The following KCNK9 variants were observed in gnomAD, a reference collection of about 807,000 sequenced individuals.
KCNK9 encodes potassium channel subfamily K member 9.
In KCNK9, 1 loss-of-function variant was observed where a neutral mutation model predicts 10.8. That is an observed-to-expected ratio of 0.09 (90% CI 0.03 to 0.44). The LOEUF (loss-of-function observed/expected upper bound fraction) is 0.44, where lower values mean the gene tolerates loss of function less well. KCNK9 is among the 20% of genes least tolerant of loss of function. KCNK9 has a pLI of 0.97. For missense variants in KCNK9, 303 were observed against 515.0 expected (o/e 0.59, Z 3.98); for synonymous variants, 231 against 222.7 (o/e 1.04, Z -0.33).
intron 2 of KCNK9, among the ~76,000 whole-genome samples, chr8:139,601,770 G>A (rs1168749233): frequency 6.6e-6 from 1 of 152,164 alleles, no homozygotes; most frequent in Non-Finnish European, 1.5e-5. Context: ...AGATTTTATT[G>A]CATGTTAGGT....
intron 1 of KCNK9, among the ~76,000 whole-genome samples, chr8:139,676,759 T>C (rs1469891736): frequency 1.3e-5 from 2 of 152,176 alleles, no homozygotes; most frequent in African/African-American, 4.8e-5. Flanking sequence ...AAGACCAGCC[T>C]GGCCAACATA....
At chr8:139,672,556 C>T (rs74402190) in intron 1 of KCNK9, among the ~76,000 whole-genome samples, 5,925 of 152,326 alleles carry the variant, frequency 0.039, 232 homozygotes, top group African/African-American at 0.1. Context: ...TCAAAATAGA[C>T]TCCAATACAC....
At chr8:139,692,945 C>CCAGCTCACCCTGCCCACCTGAG (rs71318313) in intron 1 of KCNK9, among the ~76,000 whole-genome samples, 45 of 151,926 alleles carry the variant, frequency 3.0e-4, no homozygotes, top group Non-Finnish European at 5.2e-4. Context: ...TCAATACCAC[C>CCAGCTCACCCTGCCCACCTGAG]CAGCTCACCC....
At chr8:139,636,024 G>A (rs975968567) in intron 1 of KCNK9, among the ~76,000 whole-genome samples, 9 of 152,292 alleles carry the variant, frequency 5.9e-5, no homozygotes, top group African/African-American at 2.2e-4. Context: ...CCCCGTTTAT[G>A]TTTTAGCCAA....
At chr8:139,624,824 C>T (rs1490401067) in intron 1 of KCNK9, among the ~76,000 whole-genome samples, 1 of 152,222 alleles carries the variant, frequency 6.6e-6, no homozygotes, top group African/African-American at 2.4e-5. Context: ...ACAGGGCAGG[C>T]CGGTGACGGG....
At position 139,649,754 on chromosome 8, in the gene KCNK9, A is replaced by T. The variant is rs1010515894; in HGVS notation, c.284-30655T>A. On this transcript the variant is annotated intron_variant, in intron 1 of 1. Transcript: ENST00000520439. ...AGCTGTGTAACCCTGGGGGGAAAAA[A>T]ATTGCTTAACCTCTCTGCCTCAATC... 3.9e-5 allele frequency among the ~76,000 whole-genome samples: 6 copies of T among 152,298 alleles called. 1 individual carries two copies. Among genetic ancestry groups the T allele is most frequent in the Admixed American group, 2.6e-4 (4 of 15,300 alleles).
At chr8:139,616,779 A>AT (rs1222929503), downstream of KCNK9, 1 of 152,180 alleles carries the variant, frequency 6.6e-6, no homozygotes, top group Non-Finnish European at 1.5e-5. Flanking sequence ...TGAATGGGTG[A>AT]TTTTTAGAAA....
intron 1 of KCNK9, among the ~76,000 whole-genome samples, chr8:139,685,928 A>C (rs1816778627): frequency 6.6e-6 from 1 of 152,118 alleles, no homozygotes; most frequent in African/African-American, 2.4e-5. Context: ...ATTTCTCCAC[A>C]TCCTCTCCAG....
At chr8:139,614,506 AG>A (rs1814521779), downstream of KCNK9, among the ~76,000 whole-genome samples, 1 of 152,142 alleles carries the variant, frequency 6.6e-6, no homozygotes, top group Admixed American at 6.5e-5. Context: ...GATGCTTCCA[AG>A]GGGGTTCACA....
chr8:139,702,637 G>GA lies in KCNK9; in HGVS notation c.283+72_283+73insT. 1 of 1,484,444 alleles carries GA rather than the reference G, an allele frequency of 6.7e-7. No individual in the cohort carries two copies. Among genetic ancestry groups the GA allele is most frequent in the South Asian group, 1.2e-5 (1 of 80,648 alleles). 92.0% of individuals were successfully genotyped at this position (1,484,444 alleles called of 1,614,324 possible). A position where few individuals can be genotyped will look rare whatever the true frequency, so the allele number is the denominator to read the frequency against. On this transcript the variant is annotated intron_variant, in intron 1 of 1. Coordinates refer to ENST00000520439, the MANE Select transcript of KCNK9 (RefSeq NM_001282534.2). This position sits in a 1 kb window ranked among gnomAD's most constrained non-coding sequence, Gnocchi z 7.5. The stretch of plus-strand genomic sequence containing the variant: ...ACCCTCGACGCCCTGCACCCAGCCC[G>GA]GCGCGGCGCGCTCAGCCGCCTCCCC...
At chr8:139,634,648 A>G (rs1021781285) in intron 1 of KCNK9, among the ~76,000 whole-genome samples, 13 of 152,136 alleles carry the variant, frequency 8.5e-5, no homozygotes, top group Middle Eastern at 3.4e-3. Flanking sequence ...TCAGACCCCA[A>G]TTTGTCTCCA....
rs1333300331 is a variant in KCNK9 at position 139,693,227 on chromosome 8, C to T, written c.283+9483G>A. 6.6e-6 allele frequency among the ~76,000 whole-genome samples: 1 copy of T among 152,192 alleles called. No individual in the cohort carries two copies. The highest frequency in any genetic ancestry group is 6.5e-5 in the Admixed American group (1 of 15,284). Reference sequence around the variant, plus strand: ...CAAAGTCCATTTCACAAGTAGGCATCTCTTCCTGCCAGATGCCCTGCAGAC... The same window carrying T: ...CAAAGTCCATTTCACAAGTAGGCATTTCTTCCTGCCAGATGCCCTGCAGAC... On this transcript the variant is annotated intron_variant, in intron 1 of 1. Transcript: ENST00000520439. This position sits in a 1 kb window ranked among gnomAD's most constrained non-coding sequence, Gnocchi z 4.1.
intron 1 of KCNK9, among the ~76,000 whole-genome samples, chr8:139,626,505 T>A (rs1814981934): frequency 6.6e-6 from 1 of 152,116 alleles, no homozygotes; most frequent in African/African-American, 2.4e-5. Context: ...CCAGTCCAGG[T>A]TTGAGCCCTG....
At chr8:139,665,866 T>G (rs1399033772) in intron 1 of KCNK9, among the ~76,000 whole-genome samples, 4 of 152,096 alleles carry the variant, frequency 2.6e-5, no homozygotes, top group African/African-American at 9.7e-5. Context: ...CGCTGCCAGG[T>G]GAAGCTGGCA....
At chr8:139,688,964 G>A (rs1417161320) in intron 1 of KCNK9, among the ~76,000 whole-genome samples, 2 of 152,078 alleles carry the variant, frequency 1.3e-5, no homozygotes, top group Non-Finnish European at 2.9e-5. Context: ...AGGACCTCTG[G>A]ATGTAACTGT....
intron 1 of KCNK9, among the ~76,000 whole-genome samples, chr8:139,695,049 G>A (rs561400122): frequency 9.2e-5 from 14 of 152,310 alleles, no homozygotes; most frequent in South Asian, 4.1e-4. Context: ...TCCCTGCCAT[G>A]AATTTTTCCA....
At chr8:139,661,474 C>T (rs1816149103) in intron 1 of KCNK9, among the ~76,000 whole-genome samples, 1 of 152,206 alleles carries the variant, frequency 6.6e-6, no homozygotes, top group Admixed American at 6.5e-5. Flanking sequence ...TCGTGGGTGT[C>T]CCCTGCCAGG....
intron 1 of KCNK9, among the ~76,000 whole-genome samples, chr8:139,667,697 GA>G (rs1055516244): frequency 1.3e-5 from 2 of 149,450 alleles, no homozygotes; most frequent in Non-Finnish European, 3.0e-5. Flanking sequence ...CTCCATCTCA[GA>G]AAAAAAAATG....
At chr8:139,632,321 T>A (rs1815198296) in intron 1 of KCNK9, among the ~76,000 whole-genome samples, 1 of 152,200 alleles carries the variant, frequency 6.6e-6, no homozygotes, top group Admixed American at 6.5e-5. Context: ...GTTTTCACTG[T>A]TAACACTGAA....
Sources: allele counts gnomAD v4.1 joint callset (sites outside exome capture counted in the v4.1 genomes callset), GRCh38; gene constraint gnomAD v4.1.1; non-coding constraint Gnocchi (gnomAD v3.1); transcripts MANE v1.5; gene names NCBI Gene and HGNC (gene_info 2026-07-23, HGNC 2026-07-21).